Variants in MLC1 observed in about 807,000 individuals in gnomAD.
The protein encoded by MLC1 is membrane protein MLC1.
In MLC1, 32 loss-of-function variants were observed where a neutral mutation model predicts 44.7. That is an observed-to-expected ratio of 0.72 (90% CI 0.54 to 0.96). The LOEUF is 0.96. MLC1 is among the 40% of genes least tolerant of loss of function. The pLI is 0.00. For synonymous variants in MLC1, 190 were observed against 213.0 expected (o/e 0.89, Z 0.94); for missense variants, 459 against 492.2 (o/e 0.93, Z 0.64).
At chr22:50,068,137 G>A (rs1163948085) in intron 10 of MLC1, among the ~76,000 whole-genome samples, 1 of 152,238 alleles carries the variant, frequency 6.6e-6, no homozygotes, top group Non-Finnish European at 1.5e-5. Context: ...AATCCGAAAA[G>A]CATGTCTCAT....
chr22:50,081,841 G>A (rs1454723408), intron 3 of MLC1, among the ~76,000 whole-genome samples: 2 of 152,246 alleles, frequency 1.3e-5, no homozygotes, highest in African/African-American at 4.8e-5. Context: ...GCCCATATCC[G>A]GCAGCCGCTG....
At chr22:50,062,683 A>T (rs949189259) in intron 11 of MLC1, among the ~76,000 whole-genome samples, 1 of 152,354 alleles carries the variant, frequency 6.6e-6, no homozygotes, top group Admixed American at 6.5e-5. Flanking sequence ...TGTGCAGGGC[A>T]AGAGCAGCGG....
chr22:50,079,846 C>A, intron 5 of MLC1, 72 bp downstream of exon 5: 1 of 1,125,596 alleles, frequency 8.9e-7, no homozygotes, highest in Non-Finnish European at 1.4e-6. Flanking sequence ...GCTCAACAAA[C>A]ATTTGCTGAC....
Position 50,060,456 on chromosome 22 carries a change from G to A in MLC1, c.*1127C>T, listed in dbSNP as rs9628320. 36,414 of 152,362 alleles carry A rather than the reference G, an allele frequency of 0.24. 5,402 individuals are homozygous for A. Among genetic ancestry groups the A allele is most frequent in the Non-Finnish European group, 0.33 (22,787 of 68,048 alleles). 9.4% of individuals were successfully genotyped at this position (152,362 alleles called of 1,614,324 possible). A position where few individuals can be genotyped will look rare whatever the true frequency, so the allele number is the denominator to read the frequency against. ...CAAAACAGCGGAGATGGAGAAGACC[G>A]CTGCCCTGGGGCCTTCTCAGTGAGG... On this transcript the variant is annotated 3_prime_UTR_variant, in exon 12 of 12. Coordinates refer to ENST00000311597, the MANE Select transcript of MLC1 (RefSeq NM_015166.4).
chr22:50,065,373 A>G (rs2061680779), intron 10 of MLC1, among the ~76,000 whole-genome samples: 1 of 152,180 alleles, frequency 6.6e-6, no homozygotes, highest in African/African-American at 2.4e-5. Context: ...AGTCTCAAAA[A>G]AAAAAAATCC....
chr22:50,070,112 G>T (rs1012935106), intron 9 of MLC1, among the ~76,000 whole-genome samples: 1 of 152,098 alleles, frequency 6.6e-6, no homozygotes, highest in Admixed American at 6.5e-5. Context: ...TGAGGCAAGA[G>T]AATCACTTGA....
intron 6 of MLC1, 34 bp from the exon 7 acceptor site, chr22:50,076,946 C>G (rs775598695): frequency 3.1e-6 from 5 of 1,612,108 alleles, no homozygotes; most frequent in Non-Finnish European, 4.2e-6. Flanking sequence ...CCCGGGTGCA[C>G]GGGCACAGGG....
In MLC1 at chr22:50,070,414, T is replaced by C; in HGVS notation, c.771+113A>G. ...TCATTGTGCAGGCCCTGCAGCCCAG[T>C]CACTGCGCTCTCTTGGGCTGGAGCC... On this transcript the variant is annotated intron_variant, in intron 9 of 11. Coordinates refer to ENST00000311597, the MANE Select transcript of MLC1 (RefSeq NM_015166.4). The C allele has an allele frequency of 4.7e-6, 5 of 1,055,336 alleles. No homozygotes were observed. The South Asian group carries it at 6.8e-5, about 14-fold the overall frequency. 65.4% of individuals were successfully genotyped at this position (1,055,336 alleles called of 1,614,324 possible). A position where few individuals can be genotyped will look rare whatever the true frequency, so the allele number is the denominator to read the frequency against.
Position 50,067,542 on chromosome 22 carries a change from TC to T in MLC1, c.894+890del, listed in dbSNP as rs1370069905. ...ATCCCCCTGTCAGGCAGTGACTCCA[TC>T]CCCCCATCAGGCAGTGACTCCATCC... On this transcript the variant is annotated intron_variant, in intron 10 of 11. Coordinates refer to ENST00000311597, the MANE Select transcript of MLC1 (RefSeq NM_015166.4). Among the ~76,000 whole-genome samples the T allele has an allele frequency of 5.4e-4, 22 of 41,114 alleles. 1 individual carries two copies. The highest frequency in any genetic ancestry group is 6.5e-4 in the African/African-American group (6 of 9,254). 27.0% of individuals were successfully genotyped at this position (41,114 alleles called of 152,430 possible).
intron 3 of MLC1, 31 bp from the exon 4 acceptor site, chr22:50,080,428 C>A: frequency 6.3e-7 from 1 of 1,584,802 alleles, no homozygotes; most frequent in Non-Finnish European, 8.6e-7. Context: ...CATGAGCCTG[C>A]CGCTCACCTG....
intron 4 of MLC1, 39 bp from the exon 5 acceptor site, chr22:50,080,058 A>C: frequency 6.7e-7 from 1 of 1,487,284 alleles, no homozygotes; most frequent in Non-Finnish European, 9.4e-7. Flanking sequence ...TTCTTTGAAT[A>C]ATAAAAGAAA....
In MLC1 at chr22:50,076,879, C is replaced by G. The variant is rs761502278; in HGVS notation, c.559G>C (p.Glu187Gln). Residue 187 changes from glutamate (E) to glutamine (Q), a missense_variant, in exon 7 of 12, where the codon GAA becomes CAA. Physicochemically the swap from Glu to Gln is conservative, Grantham distance 29. Coordinates refer to ENST00000311597, the MANE Select transcript of MLC1 (RefSeq NM_015166.4). Reference protein sequence around the residue: ...SMSDSANILDEVPFPARVLKS... With the variant: ...SMSDSANILDQVPFPARVLKS... ...AGGACCCGAGCAGGAAATGGCACTT[C>G]GTCCAGAATGTTGGCGCTGTCAGAC... is the stretch of plus-strand genomic sequence containing the variant. 6.2e-7 allele frequency: 1 copy of G among 1,613,916 alleles called. No homozygotes were observed. Among genetic ancestry groups the G allele is most frequent in the Non-Finnish European group, 8.5e-7 (1 of 1,179,856 alleles).
At chr22:50,069,372 A>T (rs73183383) in intron 9 of MLC1, among the ~76,000 whole-genome samples, 1 of 151,806 alleles carries the variant, frequency 6.6e-6, no homozygotes, top group African/African-American at 2.4e-5. Context: ...CATCTAGGCA[A>T]GGTGGCTCAC....
At chr22:50,079,500 CTT>C (rs55760839) in intron 5 of MLC1, among the ~76,000 whole-genome samples, 63 of 75,800 alleles carry the variant, frequency 8.3e-4, no homozygotes, top group African/African-American at 2.3e-3. Context: ...GGATTTTTGT[CTT>C]TTTTTTTTTT....
rs1296542261 is a variant in MLC1 at position 50,084,951 on chromosome 22, C to T, written c.-49G>A. 3.7e-6 allele frequency: 6 copies of T among 1,602,576 alleles called. No individual in the cohort carries two copies. Among genetic ancestry groups the T allele is most frequent in the Non-Finnish European group, 5.1e-6 (6 of 1,178,916 alleles). ...TGCTGAATGTACAGCCACGTGTCAC[C>T]AGTTCTTTATCTGGAATAAAATTAT... On this transcript the variant is annotated 5_prime_UTR_variant, in exon 2 of 12. Coordinates refer to ENST00000311597, the MANE Select transcript of MLC1 (RefSeq NM_015166.4).
chr22:50,067,384 C>T lies in MLC1; in HGVS notation c.894+1049G>A, dbSNP rs569607571. Among the ~76,000 whole-genome samples, 8 of 145,578 alleles carry T rather than the reference C, an allele frequency of 5.5e-5. No individual in the cohort carries two copies. In the East Asian group the frequency reaches 1.0e-3, roughly 19 times the overall value. Reference sequence around the variant, plus strand: ...CCCGTCAGACAGTGACTCCATCCCCCGTCAGACAGTGACTCCATCCCCCGT... The same window carrying T: ...CCCGTCAGACAGTGACTCCATCCCCTGTCAGACAGTGACTCCATCCCCCGT... On this transcript the variant is annotated intron_variant, in intron 10 of 11. Transcript: ENST00000311597.
chr22:50,085,050 GTTCATAC>G, intron 1 of MLC1, 89 bp from the exon 2 acceptor site: 1 of 1,491,762 alleles, frequency 6.7e-7, no homozygotes, highest in Non-Finnish European at 9.0e-7. Flanking sequence ...AAGAAATATT[GTTCATAC>G]TGAAGTGCTC....
chr22:50,073,319 G>A (rs919666666), intron 8 of MLC1, among the ~76,000 whole-genome samples: 1 of 152,260 alleles, frequency 6.6e-6, no homozygotes, highest in Non-Finnish European at 1.5e-5. Flanking sequence ...CGTCAACACC[G>A]GTGTGCAGGC....
At chr22:50,079,791 T>C in intron 5 of MLC1, 127 bp downstream of exon 5, 3 of 784,640 alleles carry the variant, frequency 3.8e-6, no homozygotes, top group East Asian at 2.4e-5. Context: ...CTCTCAACTT[T>C]AGTCAAACTC....
Sources: gnomAD v4.1 joint callset for allele counts (sites outside exome capture counted in the v4.1 genomes callset) on GRCh38, gnomAD v4.1.1 for gene constraint, MANE v1.5 for transcripts, NCBI Gene and HGNC (gene_info 2026-07-23, HGNC 2026-07-21) for gene names.